Variants in USP9Y observed in about 807,000 individuals in gnomAD.
The protein encoded by USP9Y is ubiquitin carboxyl-terminal hydrolase 9Y.
A neutral mutation model predicts 53.1 loss-of-function variants in USP9Y; 41 were observed. That is an observed-to-expected ratio of 0.77 (90% CI 0.60 to 1.00). USP9Y has a LOEUF of 1.00. Among genes scored for constraint, USP9Y ranks in the 50% least tolerant of loss-of-function variants. USP9Y has a pLI of 0.00. For missense variants in USP9Y, 567 were observed against 535.8 expected (o/e 1.06, Z -0.58); for synonymous variants, 220 against 173.7 (o/e 1.27, Z -2.09).
intron 16 of USP9Y, among the ~76,000 whole-genome samples, chrY:12,771,899 T>G: frequency 3.0e-5 from 1 of 33,098 alleles, no homozygotes; most frequent in African/African-American, 1.2e-4. Context: ...TAGTACCTTT[T>G]TTTTAACCAC....
At chrY:12,749,307 C>A in intron 12 of USP9Y, among the ~76,000 whole-genome samples, 1 of 32,938 alleles carries the variant, frequency 3.0e-5, no homozygotes, top group Non-Finnish European at 7.5e-5. Context: ...TATTATATAT[C>A]TAGAAAAGAG....
chrY:12,795,294 G>GT (rs2053511945), intron 27 of USP9Y, among the ~76,000 whole-genome samples: 3 of 33,216 alleles, frequency 9.0e-5, no homozygotes, highest in Non-Finnish European at 2.2e-4. Context: ...TGAATTAGAG[G>GT]TTTTTTTACA....
intron 12 of USP9Y, among the ~76,000 whole-genome samples, chrY:12,746,761 T>C (rs2148282790): frequency 4.2e-5 from 1 of 23,809 alleles, no homozygotes; most frequent in South Asian, 1.0e-3. Flanking sequence ...TGAGACAGAG[T>C]CTCGCTCTGT....
chrY:12,822,995 A>T, intron 33 of USP9Y, among the ~76,000 whole-genome samples: 1 of 32,316 alleles, frequency 3.1e-5, no homozygotes, highest in Non-Finnish European at 7.5e-5. Context: ...CCTACCGAGT[A>T]GCTGGGATTA....
At chrY:12,759,152 A>G (rs1365798457) in intron 14 of USP9Y, among the ~76,000 whole-genome samples, 1 of 33,833 alleles carries the variant, frequency 3.0e-5, no homozygotes, top group Admixed American at 2.7e-4. Context: ...ATAAAACATG[A>G]CAAGACTGTT....
At chrY:12,735,070 C>CA (rs763856999) in intron 7 of USP9Y, among the ~76,000 whole-genome samples, 5 of 5,510 alleles carry the variant, frequency 9.1e-4, no homozygotes, top group Non-Finnish European at 2.0e-3. Context: ...ACTCCGTCTC[C>CA]AAAAAAAAAA....
intron 2 of USP9Y, 80 bp from the exon 3 acceptor site, chrY:12,709,308 G>T: frequency 1.8e-5 from 3 of 170,160 alleles, no homozygotes; most frequent in Non-Finnish European, 3.3e-5. Context: ...AAGATGTTTT[G>T]TCCTTGAATT....
At chrY:12,777,552 T>A in intron 19 of USP9Y, among the ~76,000 whole-genome samples, 1 of 33,417 alleles carries the variant, frequency 3.0e-5, no homozygotes, top group Non-Finnish European at 7.4e-5. Flanking sequence ...ATCTTACCTA[T>A]CAGAAGAGAA....
chrY:12,786,195 C>T lies in USP9Y; in HGVS notation c.3152-8C>T, dbSNP rs2053501494. Reference sequence around the variant, plus strand: ...CTTTATTTTAGTCTGTGTCTTTTTCCTTTGCAGATAGAACAGCTGTAGAAA... The same window carrying T: ...CTTTATTTTAGTCTGTGTCTTTTTCTTTTGCAGATAGAACAGCTGTAGAAA... On this transcript the variant is annotated splice_polypyrimidine_tract_variant and splice_region_variant and intron_variant, in intron 22 of 45. Coordinates refer to ENST00000338981, the MANE Select transcript of USP9Y (RefSeq NM_004654.4). 1 of 395,384 alleles carries T rather than the reference C, an allele frequency of 2.5e-6. No homozygotes were observed. Among genetic ancestry groups the T allele is most frequent in the Non-Finnish European group, 3.5e-6 (1 of 282,236 alleles).
Position 12,779,625 on chromosome Y carries a change from C to T in USP9Y, c.3130C>T (p.Leu1044Phe). Residue 1044 changes from leucine to phenylalanine, a missense_variant, in exon 22 of 46, where the codon CTT (leucine) becomes TTT (phenylalanine). Coordinates refer to ENST00000338981, the MANE Select transcript of USP9Y (RefSeq NM_004654.4). Reference protein sequence around the residue: ...MPPLRDGARVLMKLMPPDRTA... With the variant: ...MPPLRDGARVFMKLMPPDRTA... ...ACCTCTTAGAGATGGAGCAAGAGTA[C>T]TTATGAAACTTATGCCACCAGGTAA... 2.5e-6 allele frequency: 1 copy of T among 397,272 alleles called. No homozygotes were observed. The highest frequency in any genetic ancestry group is 3.5e-6 in the Non-Finnish European group (1 of 282,436).
intron 33 of USP9Y, among the ~76,000 whole-genome samples, chrY:12,831,553 G>A: frequency 3.0e-5 from 1 of 32,801 alleles, no homozygotes; most frequent in Non-Finnish European, 7.5e-5. Flanking sequence ...ACCTGAGGTC[G>A]AGTTCGAGAC....
In USP9Y at chrY:12,843,104, C is replaced by A; in HGVS notation, c.6479C>A (p.Ala2160Asp). 1 of 394,290 alleles carries A rather than the reference C, an allele frequency of 2.5e-6. No homozygotes were observed. The highest frequency in any genetic ancestry group is 3.6e-6 in the Non-Finnish European group (1 of 280,806). The change falls in exon 39 of 46, where the codon GCC becomes GAC. Residue 2160 changes from alanine (A) to aspartate (D), a missense_variant. Transcript: ENST00000338981. ...AGCTTGAGTGACCACTTACTAAGAGCCACACTAAATCTCTTGAGAAGGGAA... is the reference window on the plus strand; with the variant it reads ...AGCTTGAGTGACCACTTACTAAGAGACACACTAAATCTCTTGAGAAGGGAA... ...NLSLSDHLLR[A>D]TLNLLRREVS...
At chrY:12,848,084 T>C in intron 42 of USP9Y, among the ~76,000 whole-genome samples, 1 of 33,668 alleles carries the variant, frequency 3.0e-5, no homozygotes, top group Non-Finnish European at 7.4e-5. Context: ...TAATTTACAC[T>C]CTCAACAACA....
chrY:12,731,955 A>G (rs950058310), intron 7 of USP9Y, among the ~76,000 whole-genome samples: 12 of 32,697 alleles, frequency 3.7e-4, no homozygotes, highest in Admixed American at 2.3e-3. Context: ...TTTTCTTACT[A>G]ATTTCTAGAT....
At chrY:12,754,907 T>G in intron 12 of USP9Y, among the ~76,000 whole-genome samples, 1 of 32,810 alleles carries the variant, frequency 3.0e-5, no homozygotes, top group Non-Finnish European at 7.5e-5. Context: ...CTAATTATGA[T>G]TTTGTCTCTT....
intron 20 of USP9Y, among the ~76,000 whole-genome samples, 173 bp from the exon 21 acceptor site, chrY:12,778,433 T>A (rs1037706693): frequency 3.0e-5 from 1 of 33,297 alleles, no homozygotes; most frequent in African/African-American, 1.2e-4. Flanking sequence ...ATAAGATAGA[T>A]GTCACAGAAC....
chrY:12,731,107 A>C, intron 7 of USP9Y, among the ~76,000 whole-genome samples: 1 of 32,869 alleles, frequency 3.0e-5, no homozygotes, highest in Admixed American at 2.8e-4. Context: ...TGGAGATTAC[A>C]TAGGGGCATA....
rs771628870 is a variant in USP9Y at position 12,828,423 on chromosome Y, A to C, written c.5022-5265A>C. ...TTAAATCAATTAATATACTTACATT[A>C]AACAAACTAAAAAGGAAACTTATAT... On this transcript the variant is annotated intron_variant, in intron 33 of 45. Coordinates refer to ENST00000338981, the MANE Select transcript of USP9Y (RefSeq NM_004654.4). Among the ~76,000 whole-genome samples the C allele has an allele frequency of 8.9e-5, 3 of 33,880 alleles. No individual in the cohort carries two copies. The East Asian group carries it at 2.3e-3, about 26-fold the overall frequency. The allele number at this position is 33,880 out of a possible 37,273, so 90.9% of individuals were successfully genotyped here.
At chrY:12,729,675 C>A in intron 7 of USP9Y, among the ~76,000 whole-genome samples, 1 of 32,858 alleles carries the variant, frequency 3.0e-5, no homozygotes, top group Admixed American at 2.8e-4. Context: ...CTCCTGAGCT[C>A]AAGTGATCCA....
Sources: allele counts gnomAD v4.1 joint callset (sites outside exome capture counted in the v4.1 genomes callset), GRCh38; gene constraint gnomAD v4.1.1; transcripts MANE v1.5; gene names NCBI Gene and HGNC (gene_info 2026-07-23, HGNC 2026-07-21).